KIAA1549L: variants seen among roughly 807,000 people sequenced by gnomAD.
The protein encoded by KIAA1549L is KIAA1549 like, also known as UPF0606 protein KIAA1549L.
In KIAA1549L, 88 loss-of-function variants were observed where a neutral mutation model predicts 160.7. That is an observed-to-expected ratio of 0.55 (90% CI 0.46 to 0.65). The LOEUF (loss-of-function observed/expected upper bound fraction) is 0.65. Ranked by LOEUF, KIAA1549L falls within the 30% of genes least tolerant of loss-of-function variation. KIAA1549L has a pLI of 0.00. For missense variants in KIAA1549L, 2,258 were observed against 2,437.5 expected (o/e 0.93, Z 1.55); for synonymous variants, 950 against 976.7 (o/e 0.97, Z 0.51).
chr11:33,654,816 G>A (rs1852008615), intron 17 of KIAA1549L, among the ~76,000 whole-genome samples: 1 of 152,220 alleles, frequency 6.6e-6, no homozygotes, highest in Non-Finnish European at 1.5e-5. Context: ...GTTTCACACT[G>A]CATTAAAAAG....
intron 12 of KIAA1549L, among the ~76,000 whole-genome samples, chr11:33,591,979 C>T (rs1590376551): frequency 6.6e-6 from 1 of 152,146 alleles, no homozygotes; most frequent in South Asian, 2.1e-4. Context: ...GTAGTAAAGT[C>T]AGGAGGAAGA....
intron 1 of KIAA1549L, among the ~76,000 whole-genome samples, chr11:33,412,504 G>A (rs181651500): frequency 7.9e-5 from 12 of 152,280 alleles, no homozygotes; most frequent in Admixed American, 6.5e-5. Context: ...GCTACCATGA[G>A]GCAAGAAATG....
intron 6 of KIAA1549L, among the ~76,000 whole-genome samples, chr11:33,554,113 C>A (rs1854564949): frequency 6.6e-6 from 1 of 152,136 alleles, no homozygotes. Context: ...CCTCAGGGCC[C>A]CTATATTATG....
intron 1 of KIAA1549L, among the ~76,000 whole-genome samples, chr11:33,430,538 C>T (rs1369502532): frequency 1.3e-5 from 2 of 152,168 alleles, no homozygotes; most frequent in Admixed American, 1.3e-4. Context: ...AGCGATTTTA[C>T]ATTTAAATAT....
intron 1 of KIAA1549L, among the ~76,000 whole-genome samples, chr11:33,454,981 C>T (rs1284994395): frequency 8.6e-5 from 13 of 151,948 alleles, no homozygotes; most frequent in South Asian, 4.2e-4. Flanking sequence ...CCCAGCTACT[C>T]GGGAGGCTGA....
At chr11:33,557,711 A>G (rs1854695172) in intron 6 of KIAA1549L, among the ~76,000 whole-genome samples, 1 of 152,216 alleles carries the variant, frequency 6.6e-6, no homozygotes, top group Non-Finnish European at 1.5e-5. Flanking sequence ...ACAAAGTGAG[A>G]TACTGTTTCT....
intron 1 of KIAA1549L, among the ~76,000 whole-genome samples, chr11:33,534,515 G>A (rs1383428594): frequency 6.6e-6 from 1 of 152,132 alleles, no homozygotes; most frequent in Non-Finnish European, 1.5e-5. Flanking sequence ...TGGGGAGTCA[G>A]TGGAAGTTTA....
intron 14 of KIAA1549L, among the ~76,000 whole-genome samples, chr11:33,608,043 G>A (rs1301936569): frequency 6.6e-6 from 1 of 152,132 alleles, no homozygotes; most frequent in African/African-American, 2.4e-5. Context: ...CCTGTCCAGC[G>A]CTCCTTTCCT....
chr11:33,556,975 G>A (rs984574304), intron 6 of KIAA1549L, among the ~76,000 whole-genome samples: 6 of 152,154 alleles, frequency 3.9e-5, no homozygotes, highest in Non-Finnish European at 7.3e-5. Flanking sequence ...GGGCTCCAGT[G>A]GGATTTGGGT....
intron 1 of KIAA1549L, among the ~76,000 whole-genome samples, chr11:33,399,603 C>T (rs561637305): frequency 6.6e-6 from 1 of 152,308 alleles, no homozygotes; most frequent in Admixed American, 6.5e-5. Flanking sequence ...ATCCAAAGGG[C>T]CATGGTTCTG....
At chr11:33,455,678 T>G (rs1382775921) in intron 1 of KIAA1549L, among the ~76,000 whole-genome samples, 3 of 152,192 alleles carry the variant, frequency 2.0e-5, no homozygotes, top group Non-Finnish European at 4.4e-5. Flanking sequence ...CCAGAAAAAT[T>G]ATCTGAAAAC....
Position 33,552,251 on chromosome 11 carries a change from A to ATTC in KIAA1549L, c.3855+10_3855+11insTTC. 6.3e-7 allele frequency: 1 copy of ATTC among 1,594,626 alleles called. No individual in the cohort carries two copies. The highest frequency in any genetic ancestry group is 2.3e-5 in the East Asian group (1 of 44,232). ...CAACTTGACAATTCAGGTAGGGAGGAAGGTGCTTCAGGCTGTGTAGTTGAC... is the reference window on the plus strand; with the variant it reads ...CAACTTGACAATTCAGGTAGGGAGGATTCAGGTGCTTCAGGCTGTGTAGTTGAC... On this transcript the variant is annotated intron_variant, in intron 6 of 20. Transcript: ENST00000658780.
intron 1 of KIAA1549L, among the ~76,000 whole-genome samples, chr11:33,491,434 A>T: frequency 6.6e-6 from 1 of 152,204 alleles, no homozygotes; most frequent in African/African-American, 2.4e-5. Context: ...GGGCTTATGT[A>T]CACAATCCAT....
chr11:33,426,082 A>C (rs941291456), intron 1 of KIAA1549L, among the ~76,000 whole-genome samples: 1 of 152,244 alleles, frequency 6.6e-6, no homozygotes, highest in Non-Finnish European at 1.5e-5. Flanking sequence ...ATTCTGCATC[A>C]GAAAAAGGAC....
At chr11:33,591,533 A>G in intron 12 of KIAA1549L, 112 bp downstream of exon 12, 2 of 831,562 alleles carry the variant, frequency 2.4e-6, no homozygotes, top group Middle Eastern at 2.4e-4. Flanking sequence ...ATTCCCCTTC[A>G]TGCTCATTTT....
chr11:33,512,410 A>G (rs1447843708), intron 1 of KIAA1549L, among the ~76,000 whole-genome samples: 1 of 152,218 alleles, frequency 6.6e-6, no homozygotes, highest in Admixed American at 6.5e-5. Flanking sequence ...AAAAATGGTT[A>G]CCATGTTCCA....
chr11:33,630,806 G>A (rs544299576), intron 16 of KIAA1549L, among the ~76,000 whole-genome samples: 10 of 152,258 alleles, frequency 6.6e-5, no homozygotes, highest in East Asian at 3.9e-4. Flanking sequence ...GGCTCCTCCC[G>A]ATTTAAGAGA....
chr11:33,669,566 A>C lies in KIAA1549L; in HGVS notation c.*1412A>C, dbSNP rs1852602330. 1 of 152,254 alleles carries C rather than the reference A, an allele frequency of 6.6e-6. No individual in the cohort carries two copies. The highest frequency in any genetic ancestry group is 2.1e-4 in the South Asian group (1 of 4,834). The allele number at this position is 152,254 out of a possible 1,614,324, so 9.4% of individuals were successfully genotyped here. On this transcript the variant is annotated 3_prime_UTR_variant, in exon 21 of 21. Coordinates refer to ENST00000658780, the MANE Select transcript of KIAA1549L (RefSeq NM_012194.3). The stretch of plus-strand genomic sequence containing the variant: ...ATGAGGTCCTGTCCTGCTTTCACCC[A>C]TGACCCATCTAGCTTCAGCTGTATC...
intron 20 of KIAA1549L, among the ~76,000 whole-genome samples, chr11:33,663,726 C>G (rs1852343310): frequency 6.6e-6 from 1 of 152,168 alleles, no homozygotes; most frequent in African/African-American, 2.4e-5. Flanking sequence ...CCTCAGAACC[C>G]CAGGTTCTGA....
Sources: allele counts gnomAD v4.1 joint callset (sites outside exome capture counted in the v4.1 genomes callset), GRCh38; gene constraint gnomAD v4.1.1; transcripts MANE v1.5; gene names NCBI Gene and HGNC (gene_info 2026-07-23, HGNC 2026-07-21).